Variants in PDE4D observed in about 807,000 individuals in gnomAD.
The protein encoded by PDE4D is phosphodiesterase 4D.
A neutral mutation model predicts 87.4 loss-of-function variants in PDE4D; 24 were observed. The ratio of observed to expected loss-of-function variants is 0.27; its 90% CI spans 0.20 to 0.39. PDE4D has a LOEUF of 0.39. Ranked by LOEUF, PDE4D falls within the 10% of genes least tolerant of loss-of-function variation. The pLI is 1.00. For synonymous variants in PDE4D, 384 were observed against 383.2 expected (o/e 1.00, Z -0.02); for missense variants, 714 against 1,041.0 (o/e 0.69, Z 4.32).
intron 5 of PDE4D, among the ~76,000 whole-genome samples, chr5:59,124,194 A>T (rs1775026564): frequency 6.6e-6 from 1 of 152,126 alleles, no homozygotes; most frequent in Non-Finnish European, 1.5e-5. Context: ...AGGTTGAGTG[A>T]GGAGTTCTAT....
At chr5:60,004,796 G>T (rs1764319421) in intron 2 of PDE4D, among the ~76,000 whole-genome samples, 1 of 152,140 alleles carries the variant, frequency 6.6e-6, no homozygotes, top group African/African-American at 2.4e-5. Flanking sequence ...CATTAGGATG[G>T]TCATAAAAAG....
intron 1 of PDE4D, among the ~76,000 whole-genome samples, chr5:60,237,488 A>G (rs1746558118): frequency 1.3e-5 from 2 of 152,074 alleles, no homozygotes; most frequent in Admixed American, 1.3e-4. Context: ...CAAAGACATT[A>G]TGCTGTGTAG....
intron 1 of PDE4D, among the ~76,000 whole-genome samples, chr5:60,253,165 C>T (rs1308846364): frequency 2.6e-5 from 4 of 152,038 alleles, no homozygotes; most frequent in East Asian, 1.9e-4. Context: ...GTTCTGCTGA[C>T]GGCAGTTGCT....
intron 1 of PDE4D, among the ~76,000 whole-genome samples, chr5:59,373,855 A>T (rs1250131243): frequency 2.0e-5 from 3 of 152,220 alleles, no homozygotes; most frequent in Non-Finnish European, 2.9e-5. Context: ...TACAAGCCAG[A>T]AAAGATTGAG....
At chr5:59,477,373 A>AAT (rs1554190138) in intron 1 of PDE4D, among the ~76,000 whole-genome samples, 5,153 of 142,980 alleles carry the variant, frequency 0.036, 98 homozygotes, top group East Asian at 0.055. Flanking sequence ...AAAAAAAAAA[A>AAT]ATTAAAGAAT....
intron 1 of PDE4D, among the ~76,000 whole-genome samples, chr5:60,482,052 G>A (rs6891858): frequency 0.17 from 26,512 of 151,982 alleles, 3,711 homozygotes; most frequent in African/African-American, 0.38. Flanking sequence ...TGTTCATATC[G>A]TCCCAAAATT....
At chr5:60,457,093 C>G (rs1022770645) in intron 1 of PDE4D, among the ~76,000 whole-genome samples, 1 of 152,200 alleles carries the variant, frequency 6.6e-6, no homozygotes, top group Non-Finnish European at 1.5e-5. Context: ...TTCGAATAAA[C>G]TGTACAGCCT....
At chr5:59,143,708 C>T (rs1022324144) in intron 5 of PDE4D, among the ~76,000 whole-genome samples, 1 of 152,206 alleles carries the variant, frequency 6.6e-6, no homozygotes, top group Non-Finnish European at 1.5e-5. Flanking sequence ...CAATATCCTA[C>T]CTAAGAAAAT....
chr5:59,914,891 G>GTGTGTT (rs1040581368), intron 3 of PDE4D, among the ~76,000 whole-genome samples: 3 of 150,668 alleles, frequency 2.0e-5, no homozygotes, highest in Non-Finnish European at 4.4e-5. Flanking sequence ...GTGTGTGTGT[G>GTGTGTT]TGTGTGTGTG....
intron 1 of PDE4D, among the ~76,000 whole-genome samples, chr5:60,274,343 G>A (rs867905602): frequency 2.7e-4 from 2 of 7,508 alleles, no homozygotes; most frequent in Non-Finnish European, 6.7e-4. Context: ...TCTTGTCGTT[G>A]TTGTTGTTGT....
intron 1 of PDE4D, among the ~76,000 whole-genome samples, chr5:59,488,505 G>T (rs919341525): frequency 6.6e-6 from 1 of 152,066 alleles, no homozygotes; most frequent in Non-Finnish European, 1.5e-5. Flanking sequence ...CTGTATTGTG[G>T]TTCTTTTAAT....
At chr5:59,053,645 G>GTTTTTTGTTTTTTGTTTT (rs1561396071) in intron 5 of PDE4D, among the ~76,000 whole-genome samples, 3 of 68,794 alleles carry the variant, frequency 4.4e-5, no homozygotes, top group African/African-American at 1.6e-4. Context: ...TTTGTTTTTT[G>GTTTTTTGTTTTTTGTTTT]TTTTTTTTTG....
At position 59,529,583 on chromosome 5, in the gene PDE4D, AAATTCT is replaced by A. The variant is rs1263773307; in HGVS notation, c.456-313621_456-313616del. ...GCACTGGTGTCTTTTTTCATCCTGA[AAATTCT>A]GATTCAACAAAAAAGTTTGTTTCCT... On this transcript the variant is annotated intron_variant, in intron 1 of 14. Coordinates refer to ENST00000340635, the MANE Select transcript of PDE4D (RefSeq NM_001104631.2). 3.9e-4 allele frequency among the ~76,000 whole-genome samples: 59 copies of A among 152,258 alleles called. No individual in the cohort carries two copies. The South Asian group carries it at 0.011, about 28-fold the overall frequency.
intron 3 of PDE4D, among the ~76,000 whole-genome samples, chr5:59,936,019 G>A (rs989204975): frequency 6.6e-6 from 1 of 152,150 alleles, no homozygotes; most frequent in Non-Finnish European, 1.5e-5. Flanking sequence ...CTAGATCCCT[G>A]AGGAATTGCC....
intron 1 of PDE4D, among the ~76,000 whole-genome samples, chr5:59,603,567 C>T (rs1298544252): frequency 6.6e-6 from 1 of 151,866 alleles, no homozygotes; most frequent in Non-Finnish European, 1.5e-5. Context: ...TTAGTACAGC[C>T]ATTATAAAAA....
intron 1 of PDE4D, among the ~76,000 whole-genome samples, chr5:59,310,419 A>G (rs551030394): frequency 1.0e-3 from 156 of 152,222 alleles, no homozygotes; most frequent in South Asian, 2.9e-3. Context: ...GAATTTTTAA[A>G]TCCTGCTACA....
chr5:59,893,221 G>A lies in PDE4D; in HGVS notation c.402C>T (p.Pro134=), dbSNP rs369694063. 102 of 1,562,072 alleles carry A rather than the reference G, an allele frequency of 6.5e-5. 1 individual carries two copies. The highest frequency in any genetic ancestry group is 8.3e-5 in the Non-Finnish European group (96 of 1,152,922). ...TSYAVETGHR[P]GLKKSRMSWP... ...AGGACATCCTGGATTTCTTCAGGCC[G>A]GGCCGGTGGCCGGTCTCCACCGCGT... Residue 134 remains proline (P), a synonymous_variant, in exon 1 of 15, where the codon CCC becomes CCT. Coordinates refer to ENST00000340635, the MANE Select transcript of PDE4D (RefSeq NM_001104631.2).
intron 1 of PDE4D, among the ~76,000 whole-genome samples, chr5:59,418,068 C>A (rs760546168): frequency 1.0e-3 from 154 of 152,262 alleles, no homozygotes; most frequent in Non-Finnish European, 1.2e-3. Flanking sequence ...TTATTACCTG[C>A]AAAGCAAATG....
chr5:59,704,566 A>C (rs752867503), intron 1 of PDE4D, among the ~76,000 whole-genome samples: 14 of 152,226 alleles, frequency 9.2e-5, no homozygotes, highest in Non-Finnish European at 1.6e-4. Context: ...ATAAAAACTG[A>C]GATAACACAC....
Sources: allele counts gnomAD v4.1 joint callset (sites outside exome capture counted in the v4.1 genomes callset), GRCh38; gene constraint gnomAD v4.1.1; transcripts MANE v1.5; gene names NCBI Gene and HGNC (gene_info 2026-07-23, HGNC 2026-07-21).